The following MERTK variants were observed in gnomAD, a reference collection of about 807,000 sequenced individuals.
MERTK encodes MER proto-oncogene, tyrosine kinase, also known as tyrosine-protein kinase Mer.
MERTK carries 69 observed loss-of-function variants against 99.3 expected under a neutral mutation model. The ratio of observed to expected loss-of-function variants is 0.70; its 90% CI spans 0.57 to 0.85. The LOEUF is 0.85. MERTK is among the 40% of genes least tolerant of loss of function. The pLI, the probability that MERTK is intolerant of heterozygous loss-of-function variation, is 0.00. For missense variants in MERTK, 1,125 were observed against 1,249.4 expected (o/e 0.90, Z 1.50); for synonymous variants, 426 against 467.6 (o/e 0.91, Z 1.15).
At chr2:111,905,645 T>C (rs1311702399) in intron 1 of MERTK, among the ~76,000 whole-genome samples, 2 of 151,868 alleles carry the variant, frequency 1.3e-5, no homozygotes, top group Non-Finnish European at 2.9e-5. Flanking sequence ...TTTTTGTATT[T>C]TTTAGTAGAG....
chr2:111,936,156 T>G (rs2104693782), intron 2 of MERTK, among the ~76,000 whole-genome samples: 1 of 152,290 alleles, frequency 6.6e-6, no homozygotes, highest in East Asian at 1.9e-4. Context: ...GACCTCATGA[T>G]CTGCCCGCCT....
chr2:111,943,744 G>T (rs996003411), intron 2 of MERTK, among the ~76,000 whole-genome samples: 1 of 152,074 alleles, frequency 6.6e-6, no homozygotes, highest in East Asian at 1.9e-4. Flanking sequence ...CAGGACAAAG[G>T]CTACCAGCTC....
chr2:111,935,638 C>CGTGTGTGTGT (rs55986780), intron 2 of MERTK, among the ~76,000 whole-genome samples: 14 of 139,932 alleles, frequency 1.0e-4, no homozygotes, highest in Non-Finnish European at 1.8e-4. Flanking sequence ...GGTCTTGGCT[C>CGTGTGTGTGT]GTGTGTGTGT....
intron 1 of MERTK, among the ~76,000 whole-genome samples, chr2:111,926,607 G>T (rs557968255): frequency 6.6e-6 from 1 of 152,254 alleles, no homozygotes; most frequent in African/African-American, 2.4e-5. Context: ...CGCACCTGTA[G>T]TCCCAGCTAC....
chr2:111,995,543 G>T (rs1448475733), intron 9 of MERTK: 3 of 188,360 alleles, frequency 1.6e-5, no homozygotes, highest in South Asian at 2.8e-4. Context: ...CTCCCTTTTG[G>T]TGCTGAAATG....
At chr2:111,970,148 A>G (rs537767311) in intron 6 of MERTK, among the ~76,000 whole-genome samples, 5 of 149,292 alleles carry the variant, frequency 3.3e-5, no homozygotes, top group African/African-American at 1.2e-4. Context: ...TTTTTGAGAT[A>G]TAGTTTACTT....
chr2:112,000,089 G>C (rs1008179182), intron 10 of MERTK, among the ~76,000 whole-genome samples: 9 of 152,156 alleles, frequency 5.9e-5, no homozygotes, highest in African/African-American at 2.2e-4. Context: ...CAGTTAGGGT[G>C]GGGCAGGAAC....
chr2:112,014,718 C>T (rs902581373), intron 15 of MERTK, among the ~76,000 whole-genome samples: 5 of 151,996 alleles, frequency 3.3e-5, no homozygotes, highest in Non-Finnish European at 7.4e-5. Flanking sequence ...TCACTGCCAC[C>T]TATGCCTCCC....
At chr2:111,984,319 C>T (rs562920058) in intron 8 of MERTK, among the ~76,000 whole-genome samples, 1 of 152,304 alleles carries the variant, frequency 6.6e-6, no homozygotes, top group South Asian at 2.1e-4. Context: ...TCACTGGAAA[C>T]ACCTTCACAG....
At chr2:112,010,481 C>G (rs113871384) in intron 15 of MERTK, among the ~76,000 whole-genome samples, 3 of 152,210 alleles carry the variant, frequency 2.0e-5, no homozygotes, top group African/African-American at 7.2e-5. Flanking sequence ...TGTTGGTGAC[C>G]AAGAAGACTG....
intron 2 of MERTK, among the ~76,000 whole-genome samples, chr2:111,933,648 C>A (rs1350405769): frequency 6.6e-6 from 1 of 152,010 alleles, no homozygotes; most frequent in African/African-American, 2.4e-5. Flanking sequence ...GATTGAGGAC[C>A]CCATACTTTG....
chr2:111,979,958 C>G (rs1048072278), intron 7 of MERTK, among the ~76,000 whole-genome samples: 1 of 152,092 alleles, frequency 6.6e-6, no homozygotes, highest in Non-Finnish European at 1.5e-5. Context: ...GCTGTCTGCT[C>G]CTATGGAAGA....
At position 112,022,281 on chromosome 2, in the gene MERTK, G is replaced by A. The variant is rs1210663313; in HGVS notation, c.2373G>A (p.Trp791Ter). ...SDVWAFGVTM[W>*]EIATRGMTPY... ...AGTGGGCATTTGGCGTGACCATGTG[G>A]GAAATAGCTACGCGGGGAATGACTC... Residue 791 changes from tryptophan to a stop codon, truncating the protein, a stop_gained, in exon 18 of 19, where the codon TGG becomes TGA. Coordinates refer to ENST00000295408, the MANE Select transcript of MERTK (RefSeq NM_006343.3). LOFTEE classifies it high-confidence loss of function. 6.2e-7 allele frequency: 1 copy of A among 1,614,104 alleles called. No individual in the cohort carries two copies. Among genetic ancestry groups the A allele is most frequent in the African/African-American group, 1.3e-5 (1 of 74,916 alleles).
At chr2:111,991,327 G>A (rs1676611122) in intron 8 of MERTK, among the ~76,000 whole-genome samples, 1 of 152,122 alleles carries the variant, frequency 6.6e-6, no homozygotes, top group Non-Finnish European at 1.5e-5. Flanking sequence ...CTGGGTTAAC[G>A]CTTTTCTCCT....
rs77891770 is a variant in MERTK, at chr2:111,956,831, T to C, written c.758-8360T>C. Among the ~76,000 whole-genome samples the C allele has an allele frequency of 8.7e-3, 1,323 of 152,262 alleles. 25 individuals carry two copies. Among genetic ancestry groups the C allele is most frequent in the Admixed American group, 0.022 (341 of 15,294 alleles). On this transcript the variant is annotated intron_variant, in intron 4 of 18. Transcript: ENST00000295408. ...GATAAGAAGCTTTTTTCAAATTTTT[T>C]GTAGGACGGGATCTCACTATGTTGT...
intron 8 of MERTK, among the ~76,000 whole-genome samples, chr2:111,990,947 G>T (rs1676603317): frequency 6.6e-6 from 1 of 152,138 alleles, no homozygotes; most frequent in South Asian, 2.1e-4. Flanking sequence ...ATTTTGAGAT[G>T]ATTCTCTCAT....
At chr2:111,947,268 A>G in intron 3 of MERTK, 126 bp from the exon 4 acceptor site, 1 of 800,936 alleles carries the variant, frequency 1.2e-6, no homozygotes, top group South Asian at 1.4e-5. Context: ...GCAAGACTCC[A>G]TCCCCACCCG....
chr2:111,940,701 A>G lies in MERTK; in HGVS notation c.483-4259A>G, dbSNP rs185266171. 16 of 781,404 alleles carry G rather than the reference A, an allele frequency of 2.0e-5. No homozygotes were observed. The African/African-American group carries it at 2.5e-4, about 12-fold the overall frequency. The allele number at this position is 781,404 out of a possible 1,614,324, so 48.4% of individuals were successfully genotyped here. The stretch of plus-strand genomic sequence containing the variant: ...TCAATGGTTCTGCATTTTTAGTTGC[A>G]TTGTCAGCAGTTTTTGCATTATCAG... On this transcript the variant is annotated intron_variant, in intron 2 of 18. Coordinates refer to ENST00000295408, the MANE Select transcript of MERTK (RefSeq NM_006343.3).
chr2:112,003,837 CTG>C, intron 12 of MERTK, 65 bp from the exon 13 acceptor site: 2 of 1,373,698 alleles, frequency 1.5e-6, no homozygotes, highest in Non-Finnish European at 1.0e-6. Context: ...AGCTCTGGCA[CTG>C]TAGCATTTCT....
Sources: gnomAD v4.1 joint callset for allele counts (sites outside exome capture counted in the v4.1 genomes callset) on GRCh38, gnomAD v4.1.1 for gene constraint, MANE v1.5 for transcripts, NCBI Gene and HGNC (gene_info 2026-07-23, HGNC 2026-07-21) for gene names.